The following ANXA4 variants were observed in gnomAD, a reference collection of about 807,000 sequenced individuals.
ANXA4 encodes the protein 35-beta calcimedin.
A neutral mutation model predicts 49.8 loss-of-function variants in ANXA4; 39 were observed. That is an observed-to-expected ratio of 0.78 (90% CI 0.61 to 1.02). The LOEUF (loss-of-function observed/expected upper bound fraction) is 1.02, where lower values mean the gene tolerates loss of function less well. ANXA4 is among the 50% of genes least tolerant of loss of function. The probability of loss-of-function intolerance (pLI) is 0.00; values close to 1 mark genes in which losing one functional copy is unlikely to be tolerated. For synonymous variants in ANXA4, 134 were observed against 152.5 expected (o/e 0.88, Z 0.89); for missense variants, 360 against 410.1 (o/e 0.88, Z 1.05).
chr2:69,665,176 A>G (rs764394192), intron 2 of ANXA4, among the ~76,000 whole-genome samples: 1 of 152,188 alleles, frequency 6.6e-6, no homozygotes, highest in Admixed American at 6.5e-5. Flanking sequence ...TACAGCTTCC[A>G]TCTAGCTCTC....
intron 7 of ANXA4, among the ~76,000 whole-genome samples, chr2:69,812,120 C>T (rs1673730787): frequency 7.0e-6 from 1 of 142,350 alleles, no homozygotes; most frequent in African/African-American, 2.7e-5. Flanking sequence ...AACCTCCCCA[C>T]CTTTTTTTTT....
chr2:69,729,583 G>A (rs74744094), intron 3 of ANXA4, among the ~76,000 whole-genome samples: 2 of 152,128 alleles, frequency 1.3e-5, no homozygotes, highest in East Asian at 1.9e-4. Flanking sequence ...CCAATGCCAG[G>A]ACAGCCGCCC....
chr2:69,759,209 A>G (rs1355007289), intron 1 of ANXA4, among the ~76,000 whole-genome samples: 1 of 152,102 alleles, frequency 6.6e-6, no homozygotes, highest in Non-Finnish European at 1.5e-5. Context: ...AGTAAATTAT[A>G]TCAGTTTGAT....
Position 69,721,167 on chromosome 2 carries a change from G to A in ANXA4, n.864+296G>A, listed in dbSNP as rs142608854. Among the ~76,000 whole-genome samples, 42 of 152,296 alleles carry A rather than the reference G, an allele frequency of 2.8e-4. 2 individuals carry two copies. The East Asian group carries it at 4.4e-3, about 16-fold the overall frequency. Reference sequence around the variant, plus strand: ...TGGACTCTCCGAGCTGCCACAGCCCGGCCACTCTTTGTCAGTTCCCACCAC... The same window carrying A: ...TGGACTCTCCGAGCTGCCACAGCCCAGCCACTCTTTGTCAGTTCCCACCAC... On this transcript the variant is annotated intron_variant and non_coding_transcript_variant, in intron 3 of 3. Coordinates refer to the ANXA4 transcript ENST00000418066.
intron 3 of ANXA4, among the ~76,000 whole-genome samples, chr2:69,728,637 C>T (rs1354595304): frequency 6.6e-6 from 1 of 152,220 alleles, no homozygotes; most frequent in Non-Finnish European, 1.5e-5. Flanking sequence ...GTCTTTTCCT[C>T]ACTACACTGC....
intron 2 of ANXA4, among the ~76,000 whole-genome samples, chr2:69,694,089 G>A (rs1006379467): frequency 6.6e-6 from 1 of 152,146 alleles, no homozygotes; most frequent in Admixed American, 6.5e-5. Context: ...GCTATGGTCT[G>A]AATGTTTGTG....
At chr2:69,715,472 T>A (rs1279416681) in intron 2 of ANXA4, among the ~76,000 whole-genome samples, 1 of 152,168 alleles carries the variant, frequency 6.6e-6, no homozygotes, top group Non-Finnish European at 1.5e-5. Flanking sequence ...CCTCCCAAAG[T>A]GCTGGGATTA....
At chr2:69,656,237 A>G (rs1190251395) in intron 2 of ANXA4, among the ~76,000 whole-genome samples, 1 of 122,014 alleles carries the variant, frequency 8.2e-6, no homozygotes, top group Non-Finnish European at 1.7e-5. Flanking sequence ...ATGTATATAT[A>G]TACGTATATA....
At chr2:69,812,513 G>A (rs901396164) in intron 7 of ANXA4, 140 bp from the exon 8 acceptor site, 13 of 651,580 alleles carry the variant, frequency 2.0e-5, no homozygotes, top group African/African-American at 3.7e-5. Context: ...TTTAGAGGAC[G>A]TCTGTCCTCC....
chr2:69,731,429 C>T (rs975970366), intron 3 of ANXA4, among the ~76,000 whole-genome samples: 2 of 152,198 alleles, frequency 1.3e-5, no homozygotes, highest in Admixed American at 6.5e-5. Context: ...TGCTGACTCT[C>T]GCCCTGGACT....
In ANXA4 at chr2:69,761,742, G is replaced by A. The variant is rs947241927; in HGVS notation, c.-47+19567G>A. 2.7e-5 allele frequency among the ~76,000 whole-genome samples: 4 copies of A among 148,446 alleles called. No individual in the cohort carries two copies. The South Asian group carries it at 8.4e-4, about 31-fold the overall frequency. ...TCAAGACCAGCCTGGACAACATGGT[G>A]AGACCCCGTCTGTGACAGAGCAAGA... On this transcript the variant is annotated intron_variant, in intron 1 of 12. Transcript: ENST00000394295.
In ANXA4 at chr2:69,744,238, T is replaced by C. The variant is rs1210801596; in HGVS notation, c.-47+2063T>C. Among the ~76,000 whole-genome samples the C allele has an allele frequency of 7.2e-5, 11 of 152,184 alleles. No homozygotes were observed. In the South Asian group the frequency reaches 2.3e-3, roughly 32 times the overall value. On this transcript the variant is annotated intron_variant, in intron 1 of 12. Coordinates refer to ENST00000394295, the MANE Select transcript of ANXA4 (RefSeq NM_001153.5). ...GGGAGTTTCACTTAAGCCCAGGAGT[T>C]CAAGGCTGCAGTGAGTTATGATCAC... is the stretch of plus-strand genomic sequence containing the variant.
chr2:69,740,779 T>G (rs1269898290), upstream of ANXA4, among the ~76,000 whole-genome samples: 1 of 149,214 alleles, frequency 6.7e-6, no homozygotes, highest in East Asian at 2.0e-4. Flanking sequence ...CCTCCCGGGC[T>G]TGGGTGTTTA....
chr2:69,731,976 C>CTTT lies in ANXA4; in HGVS notation n.864+11106_864+11108dup, dbSNP rs1349540007. Among the ~76,000 whole-genome samples, 262 of 106,928 alleles carry CTTT rather than the reference C, an allele frequency of 2.5e-3. 8 individuals are homozygous for CTTT. Among genetic ancestry groups the CTTT allele is most frequent in the African/African-American group, 8.5e-3 (212 of 24,854 alleles). The allele number at this position is 106,928 out of a possible 152,430, so 70.1% of individuals were successfully genotyped here. A position where few individuals can be genotyped will look rare whatever the true frequency, so the allele number is the denominator to read the frequency against. On this transcript the variant is annotated intron_variant and non_coding_transcript_variant, in intron 3 of 3. Coordinates refer to the ANXA4 transcript ENST00000418066. Reference sequence around the variant, plus strand: ...CTATTTCTTAGTTACATTTTCTTTTCTTTCTTTTTTTTTTTTTTTTTTGAG... The same window carrying CTTT: ...CTATTTCTTAGTTACATTTTCTTTTCTTTTTTCTTTTTTTTTTTTTTTTTTGAG...
At chr2:69,781,683 G>A (rs1051558481) in intron 2 of ANXA4, 109 bp downstream of exon 2, 2 of 1,287,546 alleles carry the variant, frequency 1.6e-6, no homozygotes, top group Non-Finnish European at 2.2e-6. Flanking sequence ...CAACAGAGGG[G>A]AAGGAGGAGG....
At chr2:69,715,530 G>C (rs2105415428) in intron 2 of ANXA4, among the ~76,000 whole-genome samples, 1 of 152,334 alleles carries the variant, frequency 6.6e-6, no homozygotes, top group South Asian at 2.1e-4. Context: ...AGAAAAGGGA[G>C]ATGGTCAAAT....
chr2:69,740,680 C>CTT (rs3077548), upstream of ANXA4, among the ~76,000 whole-genome samples: 1,447 of 75,688 alleles, frequency 0.019, 156 homozygotes, highest in African/African-American at 0.058. Flanking sequence ...CTTTCTTCCT[C>CTT]TTTTTTTTTT....
intron 1 of ANXA4, among the ~76,000 whole-genome samples, chr2:69,751,008 A>T (rs532473040): frequency 2.6e-5 from 4 of 152,264 alleles, no homozygotes; most frequent in Admixed American, 1.3e-4. Context: ...GTCTTCTATG[A>T]TCCTGACCCT....
intron 2 of ANXA4, among the ~76,000 whole-genome samples, chr2:69,715,016 A>T (rs1305483004): frequency 6.6e-6 from 1 of 152,198 alleles, no homozygotes; most frequent in Non-Finnish European, 1.5e-5. Flanking sequence ...CCAGTATCAT[A>T]AAGCCAAGAT....
Sources: gnomAD v4.1 joint callset for allele counts (sites outside exome capture counted in the v4.1 genomes callset) on GRCh38, gnomAD v4.1.1 for gene constraint, MANE v1.5 for transcripts, NCBI Gene and HGNC (gene_info 2026-07-23, HGNC 2026-07-21) for gene names.